Variants in PRKDC observed in about 807,000 individuals in gnomAD.
The protein encoded by PRKDC is DNA-dependent protein kinase catalytic subunit.
A neutral mutation model predicts 486.9 loss-of-function variants in PRKDC; 82 were observed. That is an observed-to-expected ratio of 0.17 (90% CI 0.14 to 0.20). The LOEUF (loss-of-function observed/expected upper bound fraction) is 0.20, where lower values mean the gene tolerates loss of function less well. Ranked by LOEUF, PRKDC falls within the 10% of genes least tolerant of loss-of-function variation. The probability of loss-of-function intolerance (pLI) is 1.00; values close to 1 mark genes in which losing one functional copy is unlikely to be tolerated. For synonymous variants in PRKDC, 1,895 were observed against 1,837.0 expected, an observed-to-expected ratio of 1.03 and a Z score of -0.81; for missense variants, 4,504 against 5,038.2, an observed-to-expected ratio of 0.89 and a Z score of 3.21.
At chr8:47,802,290 C>T (rs1381318899) in intron 70 of PRKDC, among the ~76,000 whole-genome samples, 1 of 152,102 alleles carries the variant, frequency 6.6e-6, no homozygotes, top group Non-Finnish European at 1.5e-5. Flanking sequence ...TGCTTCTCCT[C>T]TAGACACCTT....
intron 52 of PRKDC, among the ~76,000 whole-genome samples, chr8:47,851,546 C>T (rs966570176): frequency 6.6e-6 from 1 of 152,218 alleles, no homozygotes; most frequent in Non-Finnish European, 1.5e-5. Flanking sequence ...GACCACCTGG[C>T]TTCTCCTGAG....
chr8:47,794,134 A>G (rs546544252), intron 74 of PRKDC, among the ~76,000 whole-genome samples, 156 bp downstream of exon 74: 2 of 152,354 alleles, frequency 1.3e-5, no homozygotes, highest in East Asian at 3.9e-4. Context: ...TAACATACCC[A>G]GAATAGATAT....
intron 17 of PRKDC, 105 bp from the exon 18 acceptor site, chr8:47,930,117 A>G (rs1334339817): frequency 2.1e-6 from 2 of 939,264 alleles, no homozygotes; most frequent in South Asian, 1.8e-5. Context: ...ATCACGTAAC[A>G]TTTTGAGGTA....
In PRKDC at chr8:47,908,483, T is replaced by C. The variant is rs190775373; in HGVS notation, c.2935-3507A>G. Among the ~76,000 whole-genome samples, 23 of 152,328 alleles carry C rather than the reference T, an allele frequency of 1.5e-4. No individual in the cohort carries two copies. In the East Asian group the frequency reaches 3.7e-3, roughly 24 times the overall value. ...ACACTTTTATGTGTCTCCCTATCTG[T>C]ACAAACTTTATAGAAAGACACAGAA... On this transcript the variant is annotated intron_variant, in intron 25 of 85. Coordinates refer to ENST00000314191, the MANE Select transcript of PRKDC (RefSeq NM_006904.7).
Position 47,867,523 on chromosome 8 carries a change from A to T in PRKDC, c.5364-2760T>A, listed in dbSNP as rs186203769. Among the ~76,000 whole-genome samples, 789 of 152,328 alleles carry T rather than the reference A, an allele frequency of 5.2e-3. 12 individuals carry two copies. Among genetic ancestry groups the T allele is most frequent in the African/African-American group, 0.018 (763 of 41,574 alleles). ...AAGAAAATTATAGCTAAAATGAAAAATTTAAACTTCATCTAGCTGTCATTA... is the reference window on the plus strand; with the variant it reads ...AAGAAAATTATAGCTAAAATGAAAATTTTAAACTTCATCTAGCTGTCATTA... On this transcript the variant is annotated intron_variant, in intron 40 of 85. Transcript: ENST00000314191.
chr8:47,796,226 A>T (rs2086982999), intron 73 of PRKDC, among the ~76,000 whole-genome samples: 1 of 152,044 alleles, frequency 6.6e-6, no homozygotes, highest in Admixed American at 6.6e-5. Flanking sequence ...TATTAGACTG[A>T]CTACTTTCTA....
At position 47,792,752 on chromosome 8, in the gene PRKDC, A is replaced by G. The variant is rs150110548; in HGVS notation, c.10670+1538T>C. Among the ~76,000 whole-genome samples, 21 of 152,350 alleles carry G rather than the reference A, an allele frequency of 1.4e-4. No homozygotes were observed. In the East Asian group the frequency reaches 3.9e-3, roughly 28 times the overall value. ...ACATAGACACCTACTATGTACCCAT[A>G]AAAATTAAAAATTAAAATAAAAAAA... On this transcript the variant is annotated intron_variant, in intron 74 of 85. Coordinates refer to ENST00000314191, the MANE Select transcript of PRKDC (RefSeq NM_006904.7).
At chr8:47,804,577 G>A (rs1246700005) in intron 69 of PRKDC, among the ~76,000 whole-genome samples, 2 of 151,558 alleles carry the variant, frequency 1.3e-5, no homozygotes, top group Admixed American at 6.6e-5. Context: ...TGGAATTACA[G>A]GCCTGAGCCA....
intron 25 of PRKDC, 108 bp from the exon 26 acceptor site, chr8:47,905,084 C>G (rs2089753356): frequency 1.3e-6 from 1 of 759,434 alleles, no homozygotes; most frequent in African/African-American, 1.8e-5. Flanking sequence ...AGTAATACTA[C>G]TACCATGGTT....
chr8:47,933,902 C>T, intron 15 of PRKDC, 63 bp downstream of exon 15: 2 of 1,475,178 alleles, frequency 1.4e-6, no homozygotes, highest in Non-Finnish European at 1.8e-6. Context: ...AGTCTTATGT[C>T]TAAACTATGG....
intron 40 of PRKDC, among the ~76,000 whole-genome samples, chr8:47,876,269 T>C (rs1003914211): frequency 6.6e-6 from 1 of 152,214 alleles, no homozygotes; most frequent in African/African-American, 2.4e-5. Flanking sequence ...CAAATTTACA[T>C]GGATATTTAC....
At chr8:47,855,552 C>A (rs1001317498) in intron 49 of PRKDC, among the ~76,000 whole-genome samples, 179 bp from the exon 50 acceptor site, 3 of 152,242 alleles carry the variant, frequency 2.0e-5, no homozygotes, top group Admixed American at 6.5e-5. Context: ...GAGGACCAGG[C>A]ACCGCCGGCG....
At chr8:47,891,004 C>A (rs1589769808) in intron 31 of PRKDC, among the ~76,000 whole-genome samples, 1 of 152,274 alleles carries the variant, frequency 6.6e-6, no homozygotes, top group African/African-American at 2.4e-5. Context: ...TGTGGACAGG[C>A]ACCAGTCATC....
Position 47,953,811 on chromosome 8 carries a change from G to C in PRKDC, c.617C>G (p.Thr206Ser). Reference sequence around the variant, plus strand: ...ATGTCATAAAGTTCATCATACCTGGGTCTTAAGTTCACCCAGAAAAGCGCG... The same window carrying C: ...ATGTCATAAAGTTCATCATACCTGGCTCTTAAGTTCACCCAGAAAAGCGCG... Reference protein sequence around the residue: ...LFRAFLGELKTQMTSAVREPK... With the variant: ...LFRAFLGELKSQMTSAVREPK... The change falls in exon 6 of 86, where the codon ACC (threonine) becomes AGC (serine). Residue 206 changes from threonine (T) to serine (S), a missense_variant. By Grantham distance (58) the Thr-to-Ser change is moderately conservative. Transcript: ENST00000314191. 6.4e-7 allele frequency: 1 copy of C among 1,572,406 alleles called. No homozygotes were observed. The highest frequency in any genetic ancestry group is 8.6e-7 in the Non-Finnish European group (1 of 1,156,790).
intron 68 of PRKDC, among the ~76,000 whole-genome samples, chr8:47,808,346 T>C (rs1243572257): frequency 1.3e-5 from 2 of 151,652 alleles, no homozygotes; most frequent in African/African-American, 2.4e-5. Context: ...GGAGGCTTGC[T>C]ATGTTGCCAG....
chr8:47,886,865 T>A (rs1330684308), intron 35 of PRKDC, among the ~76,000 whole-genome samples: 2 of 152,134 alleles, frequency 1.3e-5, no homozygotes, highest in African/African-American at 4.8e-5. Context: ...TTTTTTAAAT[T>A]TTTTTGTAGA....
At chr8:47,945,203 A>C (rs1351538449) in intron 7 of PRKDC, among the ~76,000 whole-genome samples, 1 of 152,154 alleles carries the variant, frequency 6.6e-6, no homozygotes, top group Non-Finnish European at 1.5e-5. Flanking sequence ...CCCTCCCTCT[A>C]GTGGCCCACT....
chr8:47,945,399 A>G (rs774481179), intron 7 of PRKDC, among the ~76,000 whole-genome samples: 4 of 152,134 alleles, frequency 2.6e-5, no homozygotes, highest in Non-Finnish European at 5.9e-5. Flanking sequence ...CCCATCAAAC[A>G]CTAACTCCCA....
intron 68 of PRKDC, among the ~76,000 whole-genome samples, chr8:47,811,081 G>C (rs1016507820): frequency 2.0e-5 from 3 of 152,192 alleles, no homozygotes; most frequent in Non-Finnish European, 4.4e-5. Flanking sequence ...AAGAAGGTAA[G>C]TGAACTTCAG....
Sources: allele counts gnomAD v4.1 joint callset (sites outside exome capture counted in the v4.1 genomes callset), GRCh38; gene constraint gnomAD v4.1.1; transcripts MANE v1.5; gene names NCBI Gene and HGNC (gene_info 2026-07-23, HGNC 2026-07-21).